The following MAP7 variants were observed in gnomAD, a reference collection of about 807,000 sequenced individuals.
MAP7 encodes microtubule associated protein 7.
In MAP7, 52 loss-of-function variants were observed where a neutral mutation model predicts 94.8. The observed-to-expected ratio is 0.55, with a 90% CI of 0.44 to 0.69. The LOEUF is 0.69. Ranked by LOEUF, MAP7 falls within the 30% of genes least tolerant of loss-of-function variation. The pLI is 0.00. For synonymous variants in MAP7, 350 were observed against 357.0 expected (o/e 0.98, Z 0.22); for missense variants, 940 against 964.6 (o/e 0.97, Z 0.34).
At chr6:136,402,905 C>CAAAAAAAAAAAAAAAAAAAAAAA (rs57114676) in intron 3 of MAP7, among the ~76,000 whole-genome samples, 14 of 67,392 alleles carry the variant, frequency 2.1e-4, no homozygotes, top group South Asian at 7.8e-4. Context: ...GACTCTGTCT[C>CAAAAAAAAAAAAAAAAAAAAAAA]AAAAAAAAAA....
At chr6:136,393,467 T>A (rs1562348109) in intron 3 of MAP7, among the ~76,000 whole-genome samples, 1 of 152,156 alleles carries the variant, frequency 6.6e-6, no homozygotes, top group Non-Finnish European at 1.5e-5. Context: ...GCCCGGTAAC[T>A]TGATTTTGGA....
intron 1 of MAP7, among the ~76,000 whole-genome samples, chr6:136,535,747 CTTTTTTTTTT>C (rs2129057798): frequency 8.2e-6 from 1 of 122,328 alleles, no homozygotes; most frequent in Non-Finnish European, 1.8e-5. Context: ...CTTTTTTTTT[CTTTTTTTTTT>C]AAATTATACT....
At chr6:136,435,755 G>A (rs1179354090) in intron 1 of MAP7, among the ~76,000 whole-genome samples, 1 of 152,128 alleles carries the variant, frequency 6.6e-6, no homozygotes, top group Non-Finnish European at 1.5e-5. Flanking sequence ...AGTTGGCTGA[G>A]GACAGGGTAG....
intron 3 of MAP7, among the ~76,000 whole-genome samples, chr6:136,398,826 AGAAACTCAGGTAGAACAGT>A (rs1478357413): frequency 1.3e-5 from 2 of 152,206 alleles, no homozygotes; most frequent in Non-Finnish European, 2.9e-5. Flanking sequence ...GCTAACAGGA[AGAAACTCAGGTAGAACAGT>A]GAACTCAGTG....
chr6:136,530,878 G>C (rs1296318055), intron 1 of MAP7, among the ~76,000 whole-genome samples: 3 of 144,722 alleles, frequency 2.1e-5, no homozygotes, highest in African/African-American at 8.6e-5. Flanking sequence ...AGGTCCCTGT[G>C]GTGCCTTTTA....
At chr6:136,526,329 C>T (rs1827872036) in intron 1 of MAP7, 21 of 1,005,882 alleles carry the variant, frequency 2.1e-5, no homozygotes, top group East Asian at 1.0e-4. Flanking sequence ...ACTACAGACA[C>T]GCAGGGTCTG....
chr6:136,361,224 G>A, intron 11 of MAP7, 45 bp from the exon 12 acceptor site: 1 of 1,594,880 alleles, frequency 6.3e-7, no homozygotes, highest in Non-Finnish European at 8.5e-7. Context: ...CACCTGAGGA[G>A]AAATCTTTGA....
intron 3 of MAP7, among the ~76,000 whole-genome samples, chr6:136,396,421 T>A (rs1469750214): frequency 6.6e-6 from 1 of 152,194 alleles, no homozygotes; most frequent in Non-Finnish European, 1.5e-5. Flanking sequence ...GCAATTTTAC[T>A]GAATTAATTT....
intron 1 of MAP7, among the ~76,000 whole-genome samples, chr6:136,488,360 C>A (rs1283583265): frequency 6.6e-6 from 1 of 151,426 alleles, no homozygotes; most frequent in Admixed American, 6.6e-5. Context: ...CAAAATTCTA[C>A]TTTTGTTTAT....
intron 1 of MAP7, among the ~76,000 whole-genome samples, chr6:136,534,557 C>T (rs141398436): frequency 7.2e-5 from 11 of 152,160 alleles, no homozygotes; most frequent in African/African-American, 1.4e-4. Flanking sequence ...ATGCTGCGAA[C>T]GAAAGCATGC....
intron 1 of MAP7, among the ~76,000 whole-genome samples, chr6:136,491,431 A>C (rs1484220258): frequency 6.6e-6 from 1 of 152,186 alleles, no homozygotes; most frequent in African/African-American, 2.4e-5. Context: ...CTAGTGACCT[A>C]GATTTCTCAC....
chr6:136,510,427 T>C (rs1353388961), intron 1 of MAP7, among the ~76,000 whole-genome samples: 1 of 152,158 alleles, frequency 6.6e-6, no homozygotes, highest in Non-Finnish European at 1.5e-5. Context: ...TTGAAATGGT[T>C]ACCCGTGAGT....
chr6:136,442,112 G>A (rs57976275), intron 1 of MAP7, among the ~76,000 whole-genome samples: 2 of 151,976 alleles, frequency 1.3e-5, no homozygotes, highest in Non-Finnish European at 2.9e-5. Context: ...TTTAAAAAGC[G>A]ATACTTAAGG....
At chr6:136,353,556 CTTTA>C (rs1328978599) in intron 16 of MAP7, among the ~76,000 whole-genome samples, 1 of 151,998 alleles carries the variant, frequency 6.6e-6, no homozygotes, top group Non-Finnish European at 1.5e-5. Context: ...GATTTTACAG[CTTTA>C]TTTATTTTTT....
intron 17 of MAP7, among the ~76,000 whole-genome samples, chr6:136,345,548 C>T (rs975101752): frequency 3.3e-5 from 5 of 152,190 alleles, no homozygotes; most frequent in African/African-American, 1.2e-4. Context: ...TTCTACAAAG[C>T]ATATTCTGAG....
intron 15 of MAP7, among the ~76,000 whole-genome samples, chr6:136,357,540 G>A (rs548553504): frequency 6.6e-6 from 1 of 152,258 alleles, no homozygotes; most frequent in South Asian, 2.1e-4. Flanking sequence ...TGTCACCCAG[G>A]CTGCAGTGCA....
rs1329503758 is a variant in MAP7, at chr6:136,360,488, T to G, written c.1803+209A>C. Reference sequence around the variant, plus strand: ...TGGGGTTATTCAAGAAAGTTGGAACTGCCTTAAGCTACATGAAGTGGAAGT... The same window carrying G: ...TGGGGTTATTCAAGAAAGTTGGAACGGCCTTAAGCTACATGAAGTGGAAGT... On this transcript the variant is annotated intron_variant, in intron 13 of 17. Transcript: ENST00000354570. 4.6e-5 allele frequency among the ~76,000 whole-genome samples: 7 copies of G among 152,212 alleles called. No homozygotes were observed. The East Asian group carries it at 1.2e-3, about 25-fold the overall frequency.
In MAP7 at chr6:136,550,298, T is replaced by C. The variant is rs1408447096; in HGVS notation, c.67+44A>G. 3 of 1,439,752 alleles carry C rather than the reference T, an allele frequency of 2.1e-6. No individual in the cohort carries two copies. In the South Asian group the frequency reaches 4.1e-5, roughly 20 times the overall value. 89.2% of individuals were successfully genotyped at this position (1,439,752 alleles called of 1,614,324 possible). A position where few individuals can be genotyped will look rare whatever the true frequency, so the allele number is the denominator to read the frequency against. ...GCCAGCCCGCCGGCCCCGCTCGCCG[T>C]CCCCTGCCCGACGGGACCCCCACTA... On this transcript the variant is annotated intron_variant, in intron 1 of 17. Coordinates refer to ENST00000354570, the MANE Select transcript of MAP7 (RefSeq NM_003980.6). This position sits in a 1 kb window ranked among gnomAD's most constrained non-coding sequence, Gnocchi z 5.1.
intron 1 of MAP7, among the ~76,000 whole-genome samples, chr6:136,429,255 C>T (rs548702121): frequency 7.0e-4 from 107 of 152,302 alleles, no homozygotes; most frequent in Non-Finnish European, 1.2e-4. Flanking sequence ...AGCGCTCAGT[C>T]TCACCTACAG....
Sources: allele counts gnomAD v4.1 joint callset (sites outside exome capture counted in the v4.1 genomes callset), GRCh38; gene constraint gnomAD v4.1.1; non-coding constraint Gnocchi (gnomAD v3.1); transcripts MANE v1.5; gene names NCBI Gene and HGNC (gene_info 2026-07-23, HGNC 2026-07-21).